The following ECT2L variants were observed in gnomAD, a reference collection of about 807,000 sequenced individuals.
ECT2L encodes epithelial cell transforming 2 like.
Under a neutral mutation model 122.8 loss-of-function variants are expected in ECT2L, and 126 were observed. The observed-to-expected ratio is 1.03, with a 90% CI of 0.89 to 1.19. The LOEUF (loss-of-function observed/expected upper bound fraction) is 1.19. ECT2L is among the 50% of genes most tolerant of loss of function. The pLI, the probability that ECT2L is intolerant of heterozygous loss-of-function variation, is 0.00. For missense variants in ECT2L, 1,012 were observed against 1,064.1 expected (o/e 0.95, Z 0.68); for synonymous variants, 385 against 381.8 (o/e 1.01, Z -0.10).
intron 1 of ECT2L, among the ~76,000 whole-genome samples, chr6:138,808,722 CTCTTT>C (rs71549010): frequency 0.22 from 32,607 of 146,180 alleles, 3,196 homozygotes; most frequent in East Asian, 0.38. Context: ...TTTTTCCTTT[CTCTTT>C]TCTTTTTTTT....
chr6:138,822,826 A>G (rs1053817666), intron 4 of ECT2L: 1 of 1,613,760 alleles, frequency 6.2e-7, no homozygotes, highest in Non-Finnish European at 8.5e-7. Context: ...TACAGTCAAT[A>G]TGAATTGATC....
At chr6:138,802,878 A>G (rs1405132700) in intron 1 of ECT2L, among the ~76,000 whole-genome samples, 1 of 151,964 alleles carries the variant, frequency 6.6e-6, no homozygotes, top group Non-Finnish European at 1.5e-5. Context: ...GGAGTTCGAG[A>G]CAGCCTGGCC....
At chr6:138,893,488 T>C (rs1400373093) in intron 20 of ECT2L, among the ~76,000 whole-genome samples, 1 of 152,034 alleles carries the variant, frequency 6.6e-6, no homozygotes, top group Non-Finnish European at 1.5e-5. Context: ...TGGCCTGAGC[T>C]CGGCTCACCA....
chr6:138,869,214 G>C (rs917090621), intron 13 of ECT2L, among the ~76,000 whole-genome samples: 2 of 152,166 alleles, frequency 1.3e-5, no homozygotes, highest in Non-Finnish European at 2.9e-5. Context: ...CTCCCTCTGA[G>C]GGGAGTCGGG....
intron 1 of ECT2L, 150 bp downstream of exon 1, chr6:138,796,342 TC>T (rs1775341051): frequency 6.6e-6 from 1 of 152,096 alleles, no homozygotes. Context: ...GACCCTGGAG[TC>T]CCTTAGCAGC....
intron 1 of ECT2L, among the ~76,000 whole-genome samples, chr6:138,800,857 G>A (rs1775517564): frequency 6.6e-6 from 1 of 152,194 alleles, no homozygotes; most frequent in African/African-American, 2.4e-5. Flanking sequence ...TCTGGAGGTT[G>A]GTAAATCCAA....
chr6:138,897,323 A>T (rs1315037486), intron 20 of ECT2L, among the ~76,000 whole-genome samples: 1 of 152,228 alleles, frequency 6.6e-6, no homozygotes, highest in African/African-American at 2.4e-5. Context: ...AAAACATTAA[A>T]AAATAAATAA....
intron 10 of ECT2L, among the ~76,000 whole-genome samples, chr6:138,859,456 C>A (rs1451573976): frequency 6.6e-6 from 1 of 152,214 alleles, no homozygotes; most frequent in Non-Finnish European, 1.5e-5. Context: ...AAAACACCAG[C>A]TAAACTGATT....
chr6:138,834,850 T>C (rs1490227292), intron 4 of ECT2L, among the ~76,000 whole-genome samples: 1 of 151,552 alleles, frequency 6.6e-6, no homozygotes, highest in Non-Finnish European at 1.5e-5. Context: ...CTGTGGATAC[T>C]ACATGCTACC....
At chr6:138,827,560 G>C (rs972693857) in intron 4 of ECT2L, among the ~76,000 whole-genome samples, 1 of 151,786 alleles carries the variant, frequency 6.6e-6, no homozygotes, top group African/African-American at 2.4e-5. Context: ...GTTATTATTT[G>C]TTTTGTTGTT....
At chr6:138,828,576 T>C (rs1398133516) in intron 4 of ECT2L, among the ~76,000 whole-genome samples, 1 of 152,228 alleles carries the variant, frequency 6.6e-6, no homozygotes, top group Non-Finnish European at 1.5e-5. Flanking sequence ...CCATTGACAA[T>C]CTTCCCGTGG....
chr6:138,854,640 C>A (rs981061895), intron 10 of ECT2L, among the ~76,000 whole-genome samples: 16 of 152,060 alleles, frequency 1.1e-4, no homozygotes, highest in Middle Eastern at 3.2e-3. Flanking sequence ...AACAATGGTA[C>A]CTTAGTGCAT....
intron 4 of ECT2L, among the ~76,000 whole-genome samples, chr6:138,815,256 A>G (rs1776028193): frequency 6.6e-6 from 1 of 152,200 alleles, no homozygotes; most frequent in African/African-American, 2.4e-5. Flanking sequence ...GAGTTATTAG[A>G]TACTTTACTA....
At position 138,804,901 on chromosome 6, in the gene ECT2L, G is replaced by A. The variant is rs1247257903; in HGVS notation, c.-243-7937G>A. Among the ~76,000 whole-genome samples, 5 of 152,096 alleles carry A rather than the reference G, an allele frequency of 3.3e-5. No homozygotes were observed. In the East Asian group the frequency reaches 7.7e-4, roughly 23 times the overall value. On this transcript the variant is annotated intron_variant, in intron 1 of 21. Transcript: ENST00000541398. ...AAAACACGCAGATCATGAGTGTAACGTTCAATGAATCACAGCACGCAGGGA... is the reference window on the plus strand; with the variant it reads ...AAAACACGCAGATCATGAGTGTAACATTCAATGAATCACAGCACGCAGGGA...
At chr6:138,840,120 C>T (rs368182449) in intron 5 of ECT2L, among the ~76,000 whole-genome samples, 3 of 151,900 alleles carry the variant, frequency 2.0e-5, no homozygotes, top group African/African-American at 4.8e-5. Context: ...TAAAAATTCA[C>T]GAGGAAACAT....
intron 11 of ECT2L, among the ~76,000 whole-genome samples, chr6:138,863,315 CT>C (rs1209126647): frequency 2.0e-5 from 3 of 152,182 alleles, no homozygotes; most frequent in African/African-American, 7.2e-5. Context: ...TCAAGTAGGG[CT>C]GAGAGTGATG....
In ECT2L at chr6:138,862,674, T is replaced by C; in HGVS notation, c.1246T>C (p.Phe416Leu). 1 of 1,614,210 alleles carries C rather than the reference T, an allele frequency of 6.2e-7. No individual in the cohort carries two copies. Among genetic ancestry groups the C allele is most frequent in the Non-Finnish European group, 8.5e-7 (1 of 1,180,012 alleles). The change falls in exon 11 of 22, where the codon TTC (phenylalanine) becomes CTC (leucine). Residue 416 changes from phenylalanine to leucine, a missense_variant. Coordinates refer to ENST00000541398, the MANE Select transcript of ECT2L (RefSeq NM_001077706.3). Reference protein sequence around the residue: ...LSQLSQLTGTFFTAPTGIATG... With the variant: ...LSQLSQLTGTLFTAPTGIATG... ...CCAGCTGTCTCAACTAACTGGCACG[T>C]TCTTTACGGCCCCCACTGGGATTGC...
At chr6:138,814,271 A>G (rs896954721) in intron 3 of ECT2L, among the ~76,000 whole-genome samples, 1 of 152,138 alleles carries the variant, frequency 6.6e-6, no homozygotes, top group Non-Finnish European at 1.5e-5. Flanking sequence ...AGTCTTTCCC[A>G]TCAACCCACC....
chr6:138,813,446 G>A, intron 3 of ECT2L, 106 bp downstream of exon 3: 1 of 836,892 alleles, frequency 1.2e-6, no homozygotes, highest in Non-Finnish European at 1.8e-6. Context: ...ACTCTCTAAA[G>A]AATTTAGCTT....
Sources: gnomAD v4.1 joint callset for allele counts (sites outside exome capture counted in the v4.1 genomes callset) on GRCh38, gnomAD v4.1.1 for gene constraint, MANE v1.5 for transcripts, NCBI Gene and HGNC (gene_info 2026-07-23, HGNC 2026-07-21) for gene names.